PDE4D: variants seen among roughly 807,000 people sequenced by gnomAD.
PDE4D encodes phosphodiesterase 4D, also known as 3',5'-cyclic-AMP phosphodiesterase 4D.
Under a neutral mutation model 87.4 loss-of-function variants are expected in PDE4D, and 24 were observed. That is an observed-to-expected ratio of 0.27 (90% CI 0.20 to 0.39). PDE4D has a LOEUF of 0.39. Among genes scored for constraint, PDE4D ranks in the 10% least tolerant of loss-of-function variants. PDE4D has a pLI of 1.00. For synonymous variants in PDE4D, 384 were observed against 383.2 expected (o/e 1.00, Z -0.02); for missense variants, 714 against 1,041.0 (o/e 0.69, Z 4.32).
chr5:59,622,584 T>G (rs2150115874), intron 1 of PDE4D, among the ~76,000 whole-genome samples: 1 of 152,316 alleles, frequency 6.6e-6, no homozygotes, highest in East Asian at 1.9e-4. Flanking sequence ...TTTCTTCTGA[T>G]TTTCTCCACT....
chr5:60,246,364 G>C (rs569346048), intron 1 of PDE4D, among the ~76,000 whole-genome samples: 29 of 151,652 alleles, frequency 1.9e-4, no homozygotes, highest in Admixed American at 3.9e-4. Context: ...TTGCATTATA[G>C]TCAGATACTG....
chr5:58,988,851 ACT>A (rs1005602446), intron 10 of PDE4D, among the ~76,000 whole-genome samples: 3 of 152,004 alleles, frequency 2.0e-5, no homozygotes, highest in Non-Finnish European at 2.9e-5. Context: ...TTATTTTAAA[ACT>A]CTGAAATTAT....
chr5:59,121,243 ACAAT>A (rs990539983), intron 5 of PDE4D, among the ~76,000 whole-genome samples: 2 of 152,222 alleles, frequency 1.3e-5, no homozygotes, highest in Non-Finnish European at 2.9e-5. Context: ...AGCAAAGCAA[ACAAT>A]CAAGAGAGTG....
intron 1 of PDE4D, among the ~76,000 whole-genome samples, chr5:59,525,724 A>G (rs913336608): frequency 6.6e-6 from 1 of 152,112 alleles, no homozygotes; most frequent in Non-Finnish European, 1.5e-5. Flanking sequence ...ACCTCATGGG[A>G]GGTGATTAGA....
At chr5:60,394,094 T>C (rs1236423986) in intron 1 of PDE4D, among the ~76,000 whole-genome samples, 1 of 152,226 alleles carries the variant, frequency 6.6e-6, no homozygotes, top group East Asian at 1.9e-4. Context: ...TTTTATTCAA[T>C]CTTATTTACA....
At chr5:59,179,624 C>A in intron 5 of PDE4D, 1 of 444,812 alleles carries the variant, frequency 2.2e-6, no homozygotes, top group East Asian at 6.8e-5. Flanking sequence ...TGACCACAAA[C>A]ACAGACAGAC....
chr5:59,409,566 G>A (rs1792304444), intron 1 of PDE4D, among the ~76,000 whole-genome samples: 1 of 152,070 alleles, frequency 6.6e-6, no homozygotes, highest in Non-Finnish European at 1.5e-5. Flanking sequence ...AAAAGTGTGT[G>A]CTAACTCCCA....
At chr5:58,990,969 AC>A in intron 8 of PDE4D, 67 bp from the exon 9 acceptor site, 1 of 900,536 alleles carries the variant, frequency 1.1e-6, no homozygotes, top group Non-Finnish European at 1.7e-6. Context: ...CTCAATGAAC[AC>A]AATCATTTAA....
chr5:60,468,428 C>T (rs927022351), intron 1 of PDE4D, among the ~76,000 whole-genome samples: 1 of 152,060 alleles, frequency 6.6e-6, no homozygotes, highest in African/African-American at 2.4e-5. Context: ...CATGAGCCAC[C>T]ATGCCCAGTC....
At chr5:59,954,579 C>G (rs1758639096) in intron 3 of PDE4D, among the ~76,000 whole-genome samples, 1 of 152,046 alleles carries the variant, frequency 6.6e-6, no homozygotes, top group African/African-American at 2.4e-5. Flanking sequence ...ATACTTTAGC[C>G]CTAACTGTGG....
chr5:59,793,838 G>A (rs373741225), intron 1 of PDE4D, among the ~76,000 whole-genome samples: 104 of 152,272 alleles, frequency 6.8e-4, no homozygotes, highest in African/African-American at 2.3e-3. Flanking sequence ...AGATTAAGCC[G>A]TGGTGACAGA....
intron 1 of PDE4D, among the ~76,000 whole-genome samples, chr5:60,283,551 A>G (rs1752141225): frequency 6.6e-6 from 1 of 152,158 alleles, no homozygotes; most frequent in Non-Finnish European, 1.5e-5. Context: ...AAATGGTAAC[A>G]TTTTTCCCAA....
chr5:59,434,661 C>A (rs940317795), intron 1 of PDE4D, among the ~76,000 whole-genome samples: 1 of 152,090 alleles, frequency 6.6e-6, no homozygotes, highest in African/African-American at 2.4e-5. Flanking sequence ...AGTTCCATAG[C>A]TAGTTCATTT....
chr5:59,330,470 C>T (rs550412578), intron 1 of PDE4D, among the ~76,000 whole-genome samples: 1 of 152,208 alleles, frequency 6.6e-6, no homozygotes, highest in South Asian at 2.1e-4. Context: ...AGTCTTCATG[C>T]TCTCCCACTC....
At chr5:59,814,122 C>T (rs1768700325) in intron 1 of PDE4D, among the ~76,000 whole-genome samples, 1 of 152,128 alleles carries the variant, frequency 6.6e-6, no homozygotes, top group Non-Finnish European at 1.5e-5. Flanking sequence ...TGGGTCTCTT[C>T]CTTATTTTCC....
chr5:59,908,064 T>C (rs1390539017), intron 3 of PDE4D, among the ~76,000 whole-genome samples: 1 of 152,098 alleles, frequency 6.6e-6, no homozygotes, highest in Non-Finnish European at 1.5e-5. Flanking sequence ...GACCTATACA[T>C]AACGTTTTAA....
intron 5 of PDE4D, among the ~76,000 whole-genome samples, chr5:59,076,790 A>G (rs776505913): frequency 3.9e-5 from 6 of 152,134 alleles, no homozygotes; most frequent in Non-Finnish European, 8.8e-5. Flanking sequence ...TCCCTACTTC[A>G]AAAGCTCCAA....
intron 1 of PDE4D, among the ~76,000 whole-genome samples, chr5:60,190,003 TC>T (rs879887393): frequency 6.7e-6 from 1 of 149,668 alleles, no homozygotes; most frequent in Non-Finnish European, 1.5e-5. Flanking sequence ...GGCAGTTTAT[TC>T]CCTTGATTAG....
intron 2 of PDE4D, among the ~76,000 whole-genome samples, chr5:60,141,757 T>C (rs867123930): frequency 6.6e-6 from 1 of 152,184 alleles, no homozygotes; most frequent in South Asian, 2.1e-4. Flanking sequence ...ATCTTGGAGA[T>C]AATCTAACCA....
Sources: allele counts gnomAD v4.1 joint callset (sites outside exome capture counted in the v4.1 genomes callset), GRCh38; gene constraint gnomAD v4.1.1; transcripts MANE v1.5; gene names NCBI Gene and HGNC (gene_info 2026-07-23, HGNC 2026-07-21).